Variants in FAM3B observed in about 807,000 individuals in gnomAD.
FAM3B encodes protein FAM3B.
FAM3B carries 29 observed loss-of-function variants against 28.4 expected under a neutral mutation model. The observed-to-expected ratio is 1.02, with a 90% CI of 0.76 to 1.39. FAM3B has a LOEUF of 1.39. Among genes scored for constraint, FAM3B ranks in the 40% most tolerant of loss-of-function variants. The probability of loss-of-function intolerance (pLI) is 0.00; values close to 1 mark genes in which losing one functional copy is unlikely to be tolerated. For missense variants in FAM3B, 266 were observed against 293.9 expected, an observed-to-expected ratio of 0.91 and a Z score of 0.69; for synonymous variants, 91 against 103.0, an observed-to-expected ratio of 0.88 and a Z score of 0.71.
chr21:41,327,490 C>T (rs1049573334), intron 2 of FAM3B, among the ~76,000 whole-genome samples: 13 of 152,294 alleles, frequency 8.5e-5, no homozygotes, highest in Middle Eastern at 3.4e-3. Flanking sequence ...TGCAAAGAGA[C>T]CCTGCCTTAT....
chr21:41,318,533 C>T (rs1317719600), intron 1 of FAM3B, among the ~76,000 whole-genome samples: 1 of 152,182 alleles, frequency 6.6e-6, no homozygotes, highest in African/African-American at 2.4e-5. Flanking sequence ...GCTCAGTGCA[C>T]AGGACAGTGA....
chr21:41,329,725 T>A (rs382672), intron 2 of FAM3B, among the ~76,000 whole-genome samples: 29,140 of 151,952 alleles, frequency 0.19, 4,578 homozygotes, highest in African/African-American at 0.43. Context: ...GCTCACCACC[T>A]CACCTGGCTA....
chr21:41,345,994 T>C (rs1213692022), intron 5 of FAM3B: 4 of 257,928 alleles, frequency 1.6e-5, no homozygotes, highest in Non-Finnish European at 2.7e-5. Context: ...TCTCATGATA[T>C]AATAAGAAAG....
chr21:41,306,622 AT>A (rs1333726410), intron 1 of FAM3B, among the ~76,000 whole-genome samples: 1 of 152,078 alleles, frequency 6.6e-6, no homozygotes, highest in Non-Finnish European at 1.5e-5. Context: ...TTTCAAAGGA[AT>A]TTTTTTTCGA....
chr21:41,356,040 T>TACACACACACACACAC (rs59345837), intron 7 of FAM3B, among the ~76,000 whole-genome samples: 1 of 119,888 alleles, frequency 8.3e-6, no homozygotes, highest in African/African-American at 3.4e-5. Flanking sequence ...AAAAAATACA[T>TACACACACACACACAC]ACACACACAC....
At position 41,342,822 on chromosome 21, in the gene FAM3B, G is replaced by A. The variant is rs560995845; in HGVS notation, c.288-1654G>A. Among the ~76,000 whole-genome samples the A allele has an allele frequency of 5.1e-4, 78 of 152,220 alleles. 1 individual carries two copies. The highest frequency in any genetic ancestry group is 4.7e-4 in the Non-Finnish European group (32 of 67,998). ...TGTGAGTCTGTCACTATTATCTACT[G>A]TTTTCTGCTGGTTCCATTGTCTCTT... On this transcript the variant is annotated intron_variant, in intron 3 of 7. Coordinates refer to ENST00000357985, the MANE Select transcript of FAM3B (RefSeq NM_058186.4).
At position 41,337,269 on chromosome 21, in the gene FAM3B, AG is replaced by A. The variant is rs777016407; in HGVS notation, c.164-1107del. 3.3e-5 allele frequency among the ~76,000 whole-genome samples: 5 copies of A among 152,356 alleles called. No homozygotes were observed. In the East Asian group the frequency reaches 5.8e-4, roughly 18 times the overall value. ...TTTCTGAATTCCTTTCTGCAGACTT[AG>A]GATTTAAATCTGAAGTGAGCACAGC... On this transcript the variant is annotated intron_variant, in intron 2 of 7. Coordinates refer to ENST00000357985, the MANE Select transcript of FAM3B (RefSeq NM_058186.4).
At chr21:41,345,060 C>T (rs1000717129) in intron 4 of FAM3B, among the ~76,000 whole-genome samples, 6 of 152,206 alleles carry the variant, frequency 3.9e-5, no homozygotes, top group Non-Finnish European at 8.8e-5. Flanking sequence ...GTGAGTGGGC[C>T]GCATAGCCCC....
At position 41,326,433 on chromosome 21, in the gene FAM3B, A is replaced by G. The variant is rs2084731775; in HGVS notation, c.163+3367A>G. On this transcript the variant is annotated intron_variant, in intron 2 of 7. Transcript: ENST00000357985. This position sits in a 1 kb window ranked among gnomAD's most constrained non-coding sequence, Gnocchi z 4.0. The stretch of plus-strand genomic sequence containing the variant: ...ACAAATGCCCATCTGTGTGTCACCC[A>G]TAGTCACTAAAGCCACATACTCCCT... 6.6e-6 allele frequency among the ~76,000 whole-genome samples: 1 copy of G among 152,322 alleles called. No homozygotes were observed. The highest frequency in any genetic ancestry group is 2.1e-4 in the South Asian group (1 of 4,828).
intron 5 of FAM3B, 86 bp from the exon 6 acceptor site, chr21:41,346,927 A>G (rs1241646069): frequency 5.2e-6 from 6 of 1,148,438 alleles, no homozygotes; most frequent in Admixed American, 1.7e-5. Context: ...TGGACACAGA[A>G]TGCAGGTGCA....
At chr21:41,311,461 T>C (rs1052825812) in intron 1 of FAM3B, among the ~76,000 whole-genome samples, 1 of 149,156 alleles carries the variant, frequency 6.7e-6, no homozygotes, top group Non-Finnish European at 1.5e-5. Flanking sequence ...AGACCCTGTA[T>C]TAAAAAAAAA....
intron 1 of FAM3B, among the ~76,000 whole-genome samples, chr21:41,311,757 G>C (rs2088715534): frequency 6.6e-6 from 1 of 152,144 alleles, no homozygotes; most frequent in South Asian, 2.1e-4. Context: ...TACATAGTTG[G>C]AACAGTGAGG....
intron 2 of FAM3B, among the ~76,000 whole-genome samples, chr21:41,329,914 A>G (rs929128200): frequency 3.3e-5 from 5 of 152,174 alleles, no homozygotes; most frequent in African/African-American, 1.2e-4. Context: ...TCTTGATTTC[A>G]TAAGGAAAGA....
intron 2 of FAM3B, among the ~76,000 whole-genome samples, chr21:41,332,565 T>C (rs1351767434): frequency 6.6e-6 from 1 of 152,240 alleles, no homozygotes; most frequent in African/African-American, 2.4e-5. Context: ...TTCCCTCCTC[T>C]TCAATTTTTT....
At chr21:41,341,426 C>T (rs1194802194) in intron 3 of FAM3B, among the ~76,000 whole-genome samples, 1 of 152,218 alleles carries the variant, frequency 6.6e-6, no homozygotes, top group Non-Finnish European at 1.5e-5. Context: ...CTGTGTACCC[C>T]TTCTGAAATG....
chr21:41,307,961 C>T (rs1042897823), intron 1 of FAM3B, among the ~76,000 whole-genome samples: 4 of 152,054 alleles, frequency 2.6e-5, no homozygotes, highest in Non-Finnish European at 5.9e-5. Context: ...TTACTGGAGG[C>T]AGGGTTGCTA....
At chr21:41,327,943 A>G (rs1194753919) in intron 2 of FAM3B, among the ~76,000 whole-genome samples, 1 of 152,216 alleles carries the variant, frequency 6.6e-6, no homozygotes, top group South Asian at 2.1e-4. Context: ...GGGTCCGTAT[A>G]GAGGCGCGAG....
intron 1 of FAM3B, among the ~76,000 whole-genome samples, chr21:41,309,857 C>T (rs961748392): frequency 6.6e-6 from 1 of 152,230 alleles, no homozygotes; most frequent in Non-Finnish European, 1.5e-5. Flanking sequence ...ACCTGGTCCA[C>T]CCAGGTTGTT....
At chr21:41,309,455 C>T (rs1486661628) in intron 1 of FAM3B, among the ~76,000 whole-genome samples, 2 of 152,146 alleles carry the variant, frequency 1.3e-5, no homozygotes, top group East Asian at 3.9e-4. Flanking sequence ...ATGCTGGCCA[C>T]GAGCATCATG....
Sources: gnomAD v4.1 joint callset for allele counts (sites outside exome capture counted in the v4.1 genomes callset) on GRCh38, gnomAD v4.1.1 for gene constraint, Gnocchi (gnomAD v3.1) non-coding constraint, MANE v1.5 for transcripts, NCBI Gene and HGNC (gene_info 2026-07-23, HGNC 2026-07-21) for gene names.